Variants in EEFSEC observed in about 807,000 individuals in gnomAD.
EEFSEC encodes eukaryotic elongation factor, selenocysteine-tRNA specific.
A neutral mutation model predicts 42.1 loss-of-function variants in EEFSEC; 43 were observed. That is an observed-to-expected ratio of 1.02 (90% CI 0.80 to 1.32). The LOEUF is 1.32. Ranked by LOEUF, EEFSEC falls within the 40% of genes most tolerant of loss-of-function variation. The pLI is 0.00. For missense variants in EEFSEC, 745 were observed against 803.6 expected (o/e 0.93, Z 0.88); for synonymous variants, 354 against 339.1 (o/e 1.04, Z -0.48).
At chr3:128,426,223 C>T in the EEFSEC span, among the ~76,000 whole-genome samples, 1 of 152,248 alleles carries the variant, frequency 6.6e-6, no homozygotes, top group African/African-American at 2.4e-5. Flanking sequence ...TGGATTCCCA[C>T]CTCAGCTCGA....
intron 3 of EEFSEC, among the ~76,000 whole-genome samples, chr3:128,262,895 T>C (rs1361806256): frequency 6.6e-6 from 1 of 152,154 alleles, no homozygotes; most frequent in Admixed American, 6.5e-5. Context: ...CTCAGGACAG[T>C]TCAGCCGGGT....
intron 1 of EEFSEC, among the ~76,000 whole-genome samples, chr3:128,175,228 A>G (rs960117028): frequency 4.6e-5 from 7 of 151,180 alleles, no homozygotes; most frequent in African/African-American, 1.7e-4. Flanking sequence ...TGAGCCTGGG[A>G]TTAAATCTCA....
At chr3:128,326,807 G>A (rs1408384267) in intron 4 of EEFSEC, among the ~76,000 whole-genome samples, 1 of 152,148 alleles carries the variant, frequency 6.6e-6, no homozygotes, top group Admixed American at 6.5e-5. Context: ...ATTTCCTGTA[G>A]CAAAACTGAA....
chr3:128,313,068 A>G (rs2066907473), intron 4 of EEFSEC, among the ~76,000 whole-genome samples: 3 of 152,172 alleles, frequency 2.0e-5, no homozygotes, highest in African/African-American at 7.2e-5. Flanking sequence ...TTTCCATGCC[A>G]TAGCATTGTG....
chr3:128,218,567 C>T (rs529483804), intron 1 of EEFSEC, among the ~76,000 whole-genome samples: 249 of 152,302 alleles, frequency 1.6e-3, no homozygotes, highest in African/African-American at 5.4e-3. Flanking sequence ...TCAGACATTC[C>T]TTTGGTATGT....
At chr3:128,397,801 G>A (rs755590020) in intron 6 of EEFSEC, among the ~76,000 whole-genome samples, 8 of 152,288 alleles carry the variant, frequency 5.3e-5, no homozygotes, top group African/African-American at 1.9e-4. Context: ...CTGGCCCATG[G>A]ATGGGGGGCA....
intron 4 of EEFSEC, 37 bp downstream of exon 4, chr3:128,264,818 C>T (rs890972439): frequency 3.1e-6 from 5 of 1,595,112 alleles, no homozygotes; most frequent in Non-Finnish European, 3.4e-6. Flanking sequence ...GGCCTCCTCG[C>T]TGGCAGCAAG....
intron 1 of EEFSEC, among the ~76,000 whole-genome samples, chr3:128,184,664 A>C (rs2065446583): frequency 6.6e-6 from 1 of 152,160 alleles, no homozygotes; most frequent in East Asian, 1.9e-4. Context: ...TTATTACTTA[A>C]ATTTTGTGAG....
intron 1 of EEFSEC, among the ~76,000 whole-genome samples, chr3:128,175,767 A>G (rs1360324133): frequency 6.6e-6 from 1 of 152,206 alleles, no homozygotes; most frequent in Non-Finnish European, 1.5e-5. Flanking sequence ...ACATGGGTTT[A>G]GTAGTGAGCC....
At chr3:128,266,935 C>G (rs1308805205) in intron 4 of EEFSEC, among the ~76,000 whole-genome samples, 3 of 152,122 alleles carry the variant, frequency 2.0e-5, no homozygotes, top group African/African-American at 7.2e-5. Flanking sequence ...TGAATCAGTA[C>G]TAAATTTCTT....
chr3:128,274,682 A>G (rs1486693296), intron 4 of EEFSEC, among the ~76,000 whole-genome samples: 1 of 152,196 alleles, frequency 6.6e-6, no homozygotes, highest in Non-Finnish European at 1.5e-5. Context: ...TGTTTCTAGG[A>G]CAAGATAGGG....
chr3:128,355,002 T>A (rs186820010), intron 5 of EEFSEC, among the ~76,000 whole-genome samples: 2 of 152,310 alleles, frequency 1.3e-5, no homozygotes, highest in African/African-American at 4.8e-5. Context: ...GGCTGGGCTG[T>A]TGGCTCACTC....
At chr3:128,281,238 T>C (rs1411030963) in intron 4 of EEFSEC, among the ~76,000 whole-genome samples, 1 of 152,240 alleles carries the variant, frequency 6.6e-6, no homozygotes, top group Admixed American at 6.5e-5. Flanking sequence ...GCCTGTCCTG[T>C]GAGCAGCAAT....
intron 6 of EEFSEC, among the ~76,000 whole-genome samples, chr3:128,400,196 C>T (rs1048320328): frequency 2.6e-5 from 4 of 152,236 alleles, no homozygotes; most frequent in Non-Finnish European, 5.9e-5. Flanking sequence ...CACACACCTC[C>T]GTGACCACCT....
chr3:128,256,611 T>C (rs2066244595), intron 2 of EEFSEC, among the ~76,000 whole-genome samples: 1 of 152,232 alleles, frequency 6.6e-6, no homozygotes, highest in South Asian at 2.1e-4. Flanking sequence ...CTCCACTTCT[T>C]CAGGCTGTGC....
chr3:128,173,991 G>C (rs1296195138), intron 1 of EEFSEC, among the ~76,000 whole-genome samples: 1 of 152,204 alleles, frequency 6.6e-6, no homozygotes, highest in Non-Finnish European at 1.5e-5. Flanking sequence ...GCACAGATAA[G>C]TGAGAGGAAT....
At chr3:128,326,064 T>C (rs980055649) in intron 4 of EEFSEC, among the ~76,000 whole-genome samples, 1 of 152,188 alleles carries the variant, frequency 6.6e-6, no homozygotes, top group Non-Finnish European at 1.5e-5. Flanking sequence ...TGATCTTGTG[T>C]GGTGCTGGGG....
intron 2 of EEFSEC, among the ~76,000 whole-genome samples, chr3:128,255,743 G>T (rs1180464169): frequency 6.6e-6 from 1 of 152,208 alleles, no homozygotes. Context: ...AAAGTGGCAG[G>T]GTGGGGGTGT....
At chr3:128,309,575 G>A (rs1319465415) in intron 4 of EEFSEC, among the ~76,000 whole-genome samples, 1 of 152,228 alleles carries the variant, frequency 6.6e-6, no homozygotes, top group African/African-American at 2.4e-5. Flanking sequence ...GTAAGTAAAA[G>A]ACCATCGGTT....
Sources: gnomAD v4.1 joint callset for allele counts (sites outside exome capture counted in the v4.1 genomes callset) on GRCh38, gnomAD v4.1.1 for gene constraint, MANE v1.5 for transcripts, NCBI Gene and HGNC (gene_info 2026-07-23, HGNC 2026-07-21) for gene names.